Variants in GOLM2 observed in about 807,000 individuals in gnomAD.
GOLM2 encodes protein GOLM2.
Under a neutral mutation model 55.9 loss-of-function variants are expected in GOLM2, and 26 were observed. The ratio of observed to expected loss-of-function variants is 0.47; its 90% CI spans 0.34 to 0.65. The LOEUF (loss-of-function observed/expected upper bound fraction) is 0.65. Among genes scored for constraint, GOLM2 ranks in the 30% least tolerant of loss-of-function variants. The probability of loss-of-function intolerance (pLI) is 0.01; values close to 1 mark genes in which losing one functional copy is unlikely to be tolerated. For synonymous variants in GOLM2, 165 were observed against 194.6 expected, an observed-to-expected ratio of 0.85 and a Z score of 1.27; for missense variants, 486 against 531.8, an observed-to-expected ratio of 0.91 and a Z score of 0.85.
intron 1 of GOLM2, among the ~76,000 whole-genome samples, chr15:44,312,530 G>T (rs1394209914): frequency 6.6e-6 from 1 of 152,114 alleles, no homozygotes; most frequent in Non-Finnish European, 1.5e-5. Context: ...TCCAGGGCCA[G>T]CCTCTCTACC....
chr15:44,318,959 C>T (rs1433178228), intron 1 of GOLM2, among the ~76,000 whole-genome samples: 1 of 152,092 alleles, frequency 6.6e-6, no homozygotes, highest in African/African-American at 2.4e-5. Context: ...GCCTTGAATG[C>T]CTTTCTTCCT....
At chr15:44,383,675 C>CTTTTTTTTTTTTTTTTT (rs761209421) in intron 8 of GOLM2, among the ~76,000 whole-genome samples, 1 of 125,904 alleles carries the variant, frequency 7.9e-6, no homozygotes, top group Non-Finnish European at 1.7e-5. Flanking sequence ...TTCTTTTTTT[C>CTTTTTTTTTTTTTTTTT]TTTTTTTTTT....
intron 2 of GOLM2, among the ~76,000 whole-genome samples, chr15:44,325,946 C>T (rs2078977881): frequency 6.6e-6 from 1 of 152,070 alleles, no homozygotes; most frequent in Non-Finnish European, 1.5e-5. Context: ...ACCATGTTTA[C>T]ATATTGGAGA....
At chr15:44,371,936 T>C (rs2079331698) in intron 6 of GOLM2, among the ~76,000 whole-genome samples, 1 of 152,222 alleles carries the variant, frequency 6.6e-6, no homozygotes, top group Admixed American at 6.5e-5. Flanking sequence ...AACTATTTGC[T>C]AGGCTTGTCT....
intron 8 of GOLM2, among the ~76,000 whole-genome samples, chr15:44,398,943 CAGGCG>C (rs2079545522): frequency 6.6e-6 from 1 of 152,114 alleles, no homozygotes. Flanking sequence ...TCTGGGATTA[CAGGCG>C]TGAGCCACCA....
At chr15:44,369,220 G>A (rs1037774865) in intron 6 of GOLM2, among the ~76,000 whole-genome samples, 5 of 144,250 alleles carry the variant, frequency 3.5e-5, no homozygotes, top group Non-Finnish European at 7.6e-5. Context: ...GTGTGTGTGT[G>A]TGTGTGTGTG....
At chr15:44,300,315 TATTA>T (rs765513199) in intron 1 of GOLM2, among the ~76,000 whole-genome samples, 4 of 152,114 alleles carry the variant, frequency 2.6e-5, no homozygotes, top group African/African-American at 7.2e-5. Context: ...AACCCAAGTA[TATTA>T]ATTCAGTTGA....
At chr15:44,398,459 T>C (rs964602018) in intron 8 of GOLM2, among the ~76,000 whole-genome samples, 3 of 151,734 alleles carry the variant, frequency 2.0e-5, no homozygotes, top group African/African-American at 7.3e-5. Flanking sequence ...CAACTGTAGA[T>C]TTATGATTTA....
intron 6 of GOLM2, among the ~76,000 whole-genome samples, chr15:44,341,218 C>G (rs2079088697): frequency 6.6e-6 from 1 of 151,334 alleles, no homozygotes; most frequent in African/African-American, 2.4e-5. Context: ...GTAGCTGGGA[C>G]TACAGATGCC....
chr15:44,344,408 G>T (rs932402621), intron 6 of GOLM2, among the ~76,000 whole-genome samples: 1 of 151,676 alleles, frequency 6.6e-6, no homozygotes, highest in African/African-American at 2.4e-5. Context: ...CCCTTACTGG[G>T]TTTTGTTTGT....
intron 8 of GOLM2, among the ~76,000 whole-genome samples, chr15:44,395,173 G>T (rs1476532917): frequency 2.0e-5 from 3 of 149,616 alleles, no homozygotes; most frequent in Admixed American, 2.0e-4. Flanking sequence ...ACCACGCCCG[G>T]CTAATTTTTT....
At chr15:44,361,159 C>A (rs1470832958) in intron 6 of GOLM2, among the ~76,000 whole-genome samples, 3 of 150,734 alleles carry the variant, frequency 2.0e-5, no homozygotes, top group Non-Finnish European at 3.0e-5. Flanking sequence ...AAAGCAAGAG[C>A]AAACACATTC....
intron 8 of GOLM2, among the ~76,000 whole-genome samples, chr15:44,383,287 C>T (rs1266286546): frequency 1.3e-5 from 2 of 151,732 alleles, no homozygotes; most frequent in Non-Finnish European, 2.9e-5. Flanking sequence ...ATTTCCTGTT[C>T]TTCCTACTTT....
At chr15:44,378,996 C>G (rs1179495234) in intron 6 of GOLM2, among the ~76,000 whole-genome samples, 1 of 152,182 alleles carries the variant, frequency 6.6e-6, no homozygotes, top group African/African-American at 2.4e-5. Flanking sequence ...CTGCCCACCT[C>G]AACTTCCCAA....
At chr15:44,326,184 C>T (rs1358010319) in intron 2 of GOLM2, among the ~76,000 whole-genome samples, 1 of 151,284 alleles carries the variant, frequency 6.6e-6, no homozygotes, top group Non-Finnish European at 1.5e-5. Flanking sequence ...ATCGCTTGAA[C>T]CTGGGAGGCA....
At chr15:44,384,783 C>T (rs1179195378) in intron 8 of GOLM2, among the ~76,000 whole-genome samples, 1 of 151,696 alleles carries the variant, frequency 6.6e-6, no homozygotes, top group Non-Finnish European at 1.5e-5. Context: ...GTGGCGCATG[C>T]CTGTAATCCA....
intron 8 of GOLM2, among the ~76,000 whole-genome samples, chr15:44,382,424 T>C (rs1451934595): frequency 6.6e-6 from 1 of 152,022 alleles, no homozygotes; most frequent in Admixed American, 6.6e-5. Flanking sequence ...CCTCCCAGGT[T>C]CAAGCGATTC....
chr15:44,395,303 C>G (rs576514573), intron 8 of GOLM2, among the ~76,000 whole-genome samples: 34 of 151,720 alleles, frequency 2.2e-4, no homozygotes, highest in African/African-American at 8.2e-4. Flanking sequence ...CCACTGCGCC[C>G]GGCCAAAATA....
chr15:44,345,507 G>T (rs1035131854), intron 6 of GOLM2, among the ~76,000 whole-genome samples: 4 of 152,108 alleles, frequency 2.6e-5, no homozygotes, highest in Admixed American at 6.6e-5. Flanking sequence ...TAATCCGTCC[G>T]CCTCGGCCTC....
Sources: gnomAD v4.1 joint callset for allele counts (sites outside exome capture counted in the v4.1 genomes callset) on GRCh38, gnomAD v4.1.1 for gene constraint, MANE v1.5 for transcripts, NCBI Gene and HGNC (gene_info 2026-07-23, HGNC 2026-07-21) for gene names.